The following EYA1 variants were observed in gnomAD, a reference collection of about 807,000 sequenced individuals.
The protein encoded by EYA1 is EYA transcriptional coactivator and phosphatase 1.
In EYA1, 16 loss-of-function variants were observed where a neutral mutation model predicts 82.0. The observed-to-expected ratio is 0.20, with a 90% CI of 0.13 to 0.30. EYA1 has a LOEUF of 0.30. EYA1 is among the 10% of genes least tolerant of loss of function. EYA1 has a pLI of 1.00. For missense variants in EYA1, 633 were observed against 730.7 expected (o/e 0.87, Z 1.54); for synonymous variants, 261 against 264.4 (o/e 0.99, Z 0.12).
intron 3 of EYA1, among the ~76,000 whole-genome samples, chr8:71,346,163 C>CTT (rs1452626989): frequency 1.3e-5 from 2 of 152,176 alleles, no homozygotes; most frequent in Admixed American, 1.3e-4. Context: ...CACCAGCATG[C>CTT]GTCCCCACAA....
rs563961188 is a variant in EYA1, at chr8:71,242,454, T to G, written c.1140+2149A>C. On this transcript the variant is annotated intron_variant, in intron 12 of 17. Transcript: ENST00000340726. ...ATTCTCTTTTCTACTTTACCTCTAC[T>G]AAGGAATAGTCCTCATGCCAAAAAT... 1.2e-4 allele frequency among the ~76,000 whole-genome samples: 19 copies of G among 152,292 alleles called. 1 individual carries two copies. The highest frequency in any genetic ancestry group is 3.4e-3 in the Middle Eastern group (1 of 294).
chr8:71,360,284 A>C (rs1827258599), intron 1 of EYA1, among the ~76,000 whole-genome samples: 1 of 152,220 alleles, frequency 6.6e-6, no homozygotes, highest in South Asian at 2.1e-4. Context: ...TTTCAATATC[A>C]ATTTACTTAA....
At chr8:71,536,274 A>G (rs1814704280) in intron 1 of EYA1, among the ~76,000 whole-genome samples, 1 of 152,192 alleles carries the variant, frequency 6.6e-6, no homozygotes, top group Non-Finnish European at 1.5e-5. Flanking sequence ...ACAAAGAAAT[A>G]TGATTGTAGT....
At chr8:71,357,096 C>T (rs1218106755) in intron 1 of EYA1, among the ~76,000 whole-genome samples, 1 of 152,188 alleles carries the variant, frequency 6.6e-6, no homozygotes, top group Non-Finnish European at 1.5e-5. Context: ...GCTGGACTAA[C>T]TATATAAGGC....
chr8:71,343,872 A>C (rs1451599676), intron 3 of EYA1, among the ~76,000 whole-genome samples: 1 of 152,198 alleles, frequency 6.6e-6, no homozygotes, highest in Non-Finnish European at 1.5e-5. Context: ...AATAAATATT[A>C]GATTCCTTTT....
chr8:71,388,326 T>C (rs937656415), intron 2 of EYA1, among the ~76,000 whole-genome samples: 8 of 152,194 alleles, frequency 5.3e-5, no homozygotes, highest in Non-Finnish European at 1.5e-5. Context: ...AATTGTTATC[T>C]GGAATGAGTG....
At chr8:71,399,621 C>T (rs1829837036) in intron 2 of EYA1, among the ~76,000 whole-genome samples, 3 of 152,114 alleles carry the variant, frequency 2.0e-5, no homozygotes, top group Admixed American at 2.0e-4. Context: ...AACTACAAAC[C>T]AGTGCTCAAG....
intron 2 of EYA1, among the ~76,000 whole-genome samples, chr8:71,488,207 AAT>A (rs1810713879): frequency 6.6e-6 from 1 of 152,078 alleles, no homozygotes; most frequent in Non-Finnish European, 1.5e-5. Flanking sequence ...ATAAAGGATA[AAT>A]ATACATCAAT....
At chr8:71,273,005 C>A (rs771675642) in intron 9 of EYA1, among the ~76,000 whole-genome samples, 1 of 152,204 alleles carries the variant, frequency 6.6e-6, no homozygotes, top group Non-Finnish European at 1.5e-5. Context: ...ATAAGGCCAT[C>A]CACGTGTCAA....
At chr8:71,535,727 A>C (rs973060493) in intron 2 of EYA1, 26 of 1,511,456 alleles carry the variant, frequency 1.7e-5, no homozygotes, top group Non-Finnish European at 2.1e-5. Flanking sequence ...CTTAGGACTG[A>C]CATTCTGTTT....
At chr8:71,504,824 C>A (rs936279038) in intron 2 of EYA1, among the ~76,000 whole-genome samples, 1 of 152,116 alleles carries the variant, frequency 6.6e-6, no homozygotes, top group Non-Finnish European at 1.5e-5. Context: ...TTTTTTGAGA[C>A]ACAGTCTCCC....
chr8:71,229,819 G>A (rs1810985854), intron 12 of EYA1, among the ~76,000 whole-genome samples: 1 of 152,180 alleles, frequency 6.6e-6, no homozygotes, highest in Non-Finnish European at 1.5e-5. Context: ...GGACAGAAGA[G>A]TTCCCTTTAA....
Position 71,198,243 on chromosome 8 carries a change from G to A in EYA1, c.*1097C>T, listed in dbSNP as rs919900872. The stretch of plus-strand genomic sequence containing the variant: ...GCATTTGAATAATTATTTTTTCCAA[G>A]TAGTTACATATAATACATTAGTGTG... On this transcript the variant is annotated 3_prime_UTR_variant, in exon 18 of 18. Transcript: ENST00000340726. 3 of 152,492 alleles carry A rather than the reference G, an allele frequency of 2.0e-5. No homozygotes were observed. The highest frequency in any genetic ancestry group is 2.9e-5 in the Non-Finnish European group (2 of 68,030). The allele number at this position is 152,492 out of a possible 1,614,324, so 9.4% of individuals were successfully genotyped here.
intron 3 of EYA1, among the ~76,000 whole-genome samples, chr8:71,349,471 T>C (rs908628622): frequency 1.1e-4 from 16 of 152,216 alleles, no homozygotes; most frequent in Non-Finnish European, 2.1e-4. Flanking sequence ...CAGAACTTAA[T>C]TCAAGTACCC....
At chr8:71,362,116 C>T (rs558349139), upstream of EYA1, 3 of 967,098 alleles carry the variant, frequency 3.1e-6, no homozygotes, top group South Asian at 1.4e-4. Context: ...GATTTGTTTG[C>T]GCAGCCTTGT....
At chr8:71,231,728 T>G (rs1395995667) in intron 12 of EYA1, among the ~76,000 whole-genome samples, 1 of 152,218 alleles carries the variant, frequency 6.6e-6, no homozygotes, top group Non-Finnish European at 1.5e-5. Context: ...AAGTAGCTCT[T>G]TTTAGTCTGT....
chr8:71,508,498 C>A (rs900146776), intron 2 of EYA1, among the ~76,000 whole-genome samples: 1 of 152,104 alleles, frequency 6.6e-6, no homozygotes, highest in Admixed American at 6.5e-5. Flanking sequence ...TGTTTATGTC[C>A]CCACAAAATT....
intron 4 of EYA1, among the ~76,000 whole-genome samples, chr8:71,330,488 T>C (rs896202194): frequency 1.3e-5 from 2 of 152,190 alleles, no homozygotes; most frequent in African/African-American, 2.4e-5. Context: ...CTCTAACGAA[T>C]TTCCTTTCCT....
At chr8:71,485,115 A>T (rs1810463513) in intron 2 of EYA1, among the ~76,000 whole-genome samples, 1 of 152,246 alleles carries the variant, frequency 6.6e-6, no homozygotes, top group South Asian at 2.1e-4. Context: ...TTATTGGTAT[A>T]TGTTAAAGTT....
Sources: gnomAD v4.1 joint callset for allele counts (sites outside exome capture counted in the v4.1 genomes callset) on GRCh38, gnomAD v4.1.1 for gene constraint, MANE v1.5 for transcripts, NCBI Gene and HGNC (gene_info 2026-07-23, HGNC 2026-07-21) for gene names.